The following GALNTL6 variants were observed in gnomAD, a reference collection of about 807,000 sequenced individuals.
GALNTL6 encodes the protein polypeptide N-acetylgalactosaminyltransferase-like 6.
GALNTL6 carries 46 observed loss-of-function variants against 73.7 expected under a neutral mutation model. The observed-to-expected ratio is 0.62, with a 90% CI of 0.49 to 0.80. The LOEUF (loss-of-function observed/expected upper bound fraction) is 0.80. GALNTL6 is among the 30% of genes least tolerant of loss of function. GALNTL6 has a pLI of 0.00. For missense variants in GALNTL6, 604 were observed against 755.0 expected, an observed-to-expected ratio of 0.80 and a Z score of 2.34; for synonymous variants, 259 against 263.7, an observed-to-expected ratio of 0.98 and a Z score of 0.17.
chr4:172,271,658 A>G (rs530940748), intron 3 of GALNTL6, among the ~76,000 whole-genome samples: 65 of 152,138 alleles, frequency 4.3e-4, no homozygotes, highest in Non-Finnish European at 7.4e-5. Flanking sequence ...CATATATTGA[A>G]GTATGTATGC....
chr4:172,416,103 A>G (rs1054731764), intron 5 of GALNTL6, among the ~76,000 whole-genome samples: 1 of 152,164 alleles, frequency 6.6e-6, no homozygotes, highest in Admixed American at 6.6e-5. Context: ...ATGTATGGGG[A>G]TACGATTCAA....
chr4:172,443,141 TA>T (rs1731896344), intron 5 of GALNTL6, among the ~76,000 whole-genome samples: 1 of 118,102 alleles, frequency 8.5e-6, no homozygotes, highest in African/African-American at 4.0e-5. Flanking sequence ...TATATATATA[TA>T]TATATATATA....
chr4:172,720,082 A>G (rs1439211596), intron 5 of GALNTL6, among the ~76,000 whole-genome samples: 3 of 152,038 alleles, frequency 2.0e-5, no homozygotes, highest in Non-Finnish European at 4.4e-5. Context: ...TTTATGACCT[A>G]TATTTTGTGC....
In GALNTL6 at chr4:171,874,051, C is replaced by T. The variant is rs1736207927; in HGVS notation, c.138+59333C>T. On this transcript the variant is annotated intron_variant, in intron 2 of 12. Transcript: ENST00000506823. ...CTTTTTATTCATGTCTTTTTAATCA[C>T]TGTTTTTTAGTTTCTGTCTATTAAC... 3.3e-5 allele frequency among the ~76,000 whole-genome samples: 5 copies of T among 152,278 alleles called. No individual in the cohort carries two copies. The South Asian group carries it at 1.0e-3, about 32-fold the overall frequency.
At chr4:171,884,964 G>A (rs1578940211) in intron 2 of GALNTL6, among the ~76,000 whole-genome samples, 1 of 152,028 alleles carries the variant, frequency 6.6e-6, no homozygotes, top group South Asian at 2.1e-4. Context: ...GGCTGAGGCA[G>A]GAGAATTGCT....
At chr4:172,254,782 T>A (rs1380927365) in intron 3 of GALNTL6, among the ~76,000 whole-genome samples, 2 of 151,736 alleles carry the variant, frequency 1.3e-5, no homozygotes, top group African/African-American at 4.8e-5. Context: ...GTCTGGCACC[T>A]GTTAAATTAT....
intron 5 of GALNTL6, among the ~76,000 whole-genome samples, chr4:172,406,377 A>T (rs1024013601): frequency 4.6e-5 from 7 of 152,010 alleles, no homozygotes; most frequent in African/African-American, 1.7e-4. Context: ...TTTAGTGGAT[A>T]AATTATAAAG....
intron 2 of GALNTL6, among the ~76,000 whole-genome samples, chr4:171,848,722 T>C (rs1735441792): frequency 6.6e-6 from 1 of 152,200 alleles, no homozygotes; most frequent in Admixed American, 6.5e-5. Flanking sequence ...TTCCACAATT[T>C]CCTCACATCT....
At chr4:172,122,467 C>T (rs1043350111) in intron 2 of GALNTL6, among the ~76,000 whole-genome samples, 1 of 152,140 alleles carries the variant, frequency 6.6e-6, no homozygotes, top group South Asian at 2.1e-4. Context: ...ACCCATACAT[C>T]AGGCACGAAA....
intron 8 of GALNTL6, among the ~76,000 whole-genome samples, chr4:172,914,856 C>T (rs1747414690): frequency 6.6e-6 from 1 of 152,178 alleles, no homozygotes; most frequent in Non-Finnish European, 1.5e-5. Flanking sequence ...AGAAAGTTCA[C>T]AAGGATATCC....
At chr4:172,971,907 T>TA (rs1388763962) in intron 10 of GALNTL6, among the ~76,000 whole-genome samples, 1 of 152,086 alleles carries the variant, frequency 6.6e-6, no homozygotes, top group Admixed American at 6.6e-5. Flanking sequence ...TCAGATTGAC[T>TA]AAAAAGGCAA....
intron 2 of GALNTL6, among the ~76,000 whole-genome samples, chr4:172,211,441 A>G (rs752693589): frequency 3.3e-5 from 5 of 152,220 alleles, no homozygotes; most frequent in African/African-American, 1.2e-4. Flanking sequence ...TTCATACCAG[A>G]TGGATCATTC....
intron 8 of GALNTL6, among the ~76,000 whole-genome samples, chr4:172,900,527 A>T (rs1746572877): frequency 6.6e-6 from 1 of 152,202 alleles, no homozygotes; most frequent in African/African-American, 2.4e-5. Context: ...GAAAACTAAT[A>T]TTGATTATCA....
intron 5 of GALNTL6, among the ~76,000 whole-genome samples, chr4:172,350,622 T>C (rs986029084): frequency 6.6e-6 from 1 of 152,184 alleles, no homozygotes; most frequent in Admixed American, 6.5e-5. Context: ...TCTATTCTTA[T>C]GAGCAATCAA....
At chr4:172,406,104 A>G (rs187084244) in intron 5 of GALNTL6, among the ~76,000 whole-genome samples, 1 of 152,192 alleles carries the variant, frequency 6.6e-6, no homozygotes, top group African/African-American at 2.4e-5. Context: ...CAAAGTTTCA[A>G]TGTAGGCTAA....
chr4:171,978,420 G>C (rs1049402745), intron 2 of GALNTL6, among the ~76,000 whole-genome samples: 1 of 152,092 alleles, frequency 6.6e-6, no homozygotes, highest in African/African-American at 2.4e-5. Context: ...CAGAAAAGGA[G>C]GGTGTTTAGG....
chr4:172,294,101 T>G (rs1739574637), intron 3 of GALNTL6, among the ~76,000 whole-genome samples: 1 of 151,840 alleles, frequency 6.6e-6, no homozygotes, highest in African/African-American at 2.4e-5. Context: ...ATTATAAAAT[T>G]ATTTATTTTA....
At chr4:172,853,533 C>T (rs547692295) in intron 7 of GALNTL6, among the ~76,000 whole-genome samples, 7 of 152,274 alleles carry the variant, frequency 4.6e-5, no homozygotes, top group Admixed American at 1.3e-4. Context: ...CCCAGGCTTT[C>T]GTACTGATTC....
intron 5 of GALNTL6, among the ~76,000 whole-genome samples, chr4:172,377,854 C>A (rs1743097252): frequency 6.6e-6 from 1 of 152,140 alleles, no homozygotes; most frequent in Non-Finnish European, 1.5e-5. Context: ...GAGCCCACAC[C>A]CACCCAGAAT....
Sources: allele counts gnomAD v4.1 joint callset (sites outside exome capture counted in the v4.1 genomes callset), GRCh38; gene constraint gnomAD v4.1.1; transcripts MANE v1.5; gene names NCBI Gene and HGNC (gene_info 2026-07-23, HGNC 2026-07-21).